Variants in RPUSD4 observed in about 807,000 individuals in gnomAD.
The protein encoded by RPUSD4 is RNA pseudouridine synthase D4, also known as pseudouridylate synthase RPUSD4, mitochondrial.
A neutral mutation model predicts 35.4 loss-of-function variants in RPUSD4; 37 were observed. That is an observed-to-expected ratio of 1.04 (90% CI 0.80 to 1.37). The LOEUF is 1.37. Ranked by LOEUF, RPUSD4 falls within the 40% of genes most tolerant of loss-of-function variation. The pLI, the probability that RPUSD4 is intolerant of heterozygous loss-of-function variation, is 0.00. For synonymous variants in RPUSD4, 210 were observed against 192.7 expected (o/e 1.09, Z -0.74); for missense variants, 507 against 484.9 (o/e 1.05, Z -0.43).
At chr11:126,211,423 A>G in intron 1 of RPUSD4, 27 bp downstream of exon 1, 1 of 1,592,384 alleles carries the variant, frequency 6.3e-7, no homozygotes, top group Admixed American at 1.8e-5. Flanking sequence ...CACTGCCTCT[A>G]GGGAGTTCTG....
In RPUSD4 at chr11:126,203,291, T is replaced by G; in HGVS notation, c.*127A>C. The stretch of plus-strand genomic sequence containing the variant: ...CCCACCTGGCTCTTACGCAGTCTGT[T>G]CCAAGTGAGAAGTTAGCAGAGTCCT... On this transcript the variant is annotated 3_prime_UTR_variant, in exon 7 of 7. Transcript: ENST00000298317. 7 of 1,410,970 alleles carry G rather than the reference T, an allele frequency of 5.0e-6. No individual in the cohort carries two copies. Among genetic ancestry groups the G allele is most frequent in the Non-Finnish European group, 5.8e-6 (6 of 1,038,600 alleles). The allele number at this position is 1,410,970 out of a possible 1,614,324, so 87.4% of individuals were successfully genotyped here. A position where few individuals can be genotyped will look rare whatever the true frequency, so the allele number is the denominator to read the frequency against.
intron 3 of RPUSD4, among the ~76,000 whole-genome samples, chr11:126,206,929 C>A (rs659551): frequency 0.73 from 110,621 of 152,112 alleles, 41,292 homozygotes; most frequent in East Asian, 1. Flanking sequence ...AAGAATGTTC[C>A]ATCAGCAAGA....
Position 126,202,994 on chromosome 11 carries a change from A to T in RPUSD4, c.*424T>A, listed in dbSNP as rs558170385. 1.1e-5 allele frequency: 2 copies of T among 189,422 alleles called. No individual in the cohort carries two copies. Among genetic ancestry groups the T allele is most frequent in the South Asian group, 2.2e-4 (2 of 9,126 alleles). 11.7% of individuals were successfully genotyped at this position (189,422 alleles called of 1,614,324 possible). The stretch of plus-strand genomic sequence containing the variant: ...CTGGATGCTGTGATATTTGTTAACC[A>T]TTATGTTCTTTCCAACCACGGGAAC... On this transcript the variant is annotated 3_prime_UTR_variant, in exon 7 of 7. Coordinates refer to ENST00000298317, the MANE Select transcript of RPUSD4 (RefSeq NM_032795.3).
In RPUSD4 at chr11:126,211,057, T is replaced by C. The variant is rs1306569045; in HGVS notation, c.190-2A>G. 6.2e-7 allele frequency: 1 copy of C among 1,610,714 alleles called. No homozygotes were observed. Among genetic ancestry groups the C allele is most frequent in the Non-Finnish European group, 8.5e-7 (1 of 1,179,696 alleles). On this transcript the variant is annotated splice_acceptor_variant, in intron 1 of 6. Coordinates refer to ENST00000298317, the MANE Select transcript of RPUSD4 (RefSeq NM_032795.3). LOFTEE classifies it high-confidence loss of function. ...CCGCTGAACAGCGTTTGTGGACACC[T>C]AGGGAGAAAGAAGGAGCCGTGGGGA...
intron 3 of RPUSD4, among the ~76,000 whole-genome samples, chr11:126,207,720 T>G (rs1012266824): frequency 2.0e-5 from 3 of 152,088 alleles, no homozygotes; most frequent in African/African-American, 2.4e-5. Flanking sequence ...CATGGTGGCA[T>G]GTGCCTGTAA....
In RPUSD4 at chr11:126,205,554, CT is replaced by C. The variant is rs1565316703; in HGVS notation, c.709del (p.Ser237AlafsTer8). 7 of 1,614,276 alleles carry C rather than the reference CT, an allele frequency of 4.3e-6. No homozygotes were observed. Among genetic ancestry groups the C allele is most frequent in the Non-Finnish European group, 5.9e-6 (7 of 1,180,056 alleles). ...DDGKMVKVRR[S>X]RNAQVAVTQY... is the part of the protein sequence containing the mutation. ...AGTTACAGCAACTTGCGCATTCCGG[CT>C]GCGCCGCACTTTCACCATTTTCCCA... On this transcript the variant is annotated frameshift_variant, in exon 5 of 7. Coordinates refer to ENST00000298317, the MANE Select transcript of RPUSD4 (RefSeq NM_032795.3). LOFTEE classifies it high-confidence loss of function.
At chr11:126,208,767 ACTGCGTACG>A (rs1485396582) in intron 3 of RPUSD4, 1 of 152,204 alleles carries the variant, frequency 6.6e-6, no homozygotes, top group East Asian at 1.9e-4. Context: ...ACACGCGTAT[ACTGCGTACG>A]CCGCACACGC....
In RPUSD4 at chr11:126,205,627, A is replaced by ATGATATG; in HGVS notation, c.652-16_652-15insCATATCA. Reference sequence around the variant, plus strand: ...GACAATGTCATCTGAAGCCAAAGAAATCAAGATATGATTCCCAAGGAAGAG... The same window carrying ATGATATG: ...GACAATGTCATCTGAAGCCAAAGAAATGATATGTCAAGATATGATTCCCAAGGAAGAG... On this transcript the variant is annotated splice_polypyrimidine_tract_variant and intron_variant, in intron 4 of 6. Transcript: ENST00000298317. The ATGATATG allele has an allele frequency of 1.9e-6, 3 of 1,614,068 alleles. No individual in the cohort carries two copies. The South Asian group carries it at 3.3e-5, about 18-fold the overall frequency.
chr11:126,211,592 T>C lies in RPUSD4; in HGVS notation c.47A>G (p.Asn16Ser). ...GAAGAGACTCCCGCAACCTTGGCCG[T>C]TTCCCCGGATCCAGGGGCCCGACGC... ...WSASGPWIRG[N>S]GQGCGSLFTL... Residue 16 changes from asparagine to serine, a missense_variant, in exon 1 of 7, where the codon AAC becomes AGC. By Grantham distance (46) the Asn-to-Ser change is conservative. Coordinates refer to ENST00000298317, the MANE Select transcript of RPUSD4 (RefSeq NM_032795.3). 1 of 1,614,098 alleles carries C rather than the reference T, an allele frequency of 6.2e-7. No homozygotes were observed. Among genetic ancestry groups the C allele is most frequent in the Non-Finnish European group, 8.5e-7 (1 of 1,180,014 alleles).
chr11:126,205,887 T>C lies in RPUSD4; in HGVS notation c.558-106A>G, dbSNP rs1198879960. The C allele has an allele frequency of 5.3e-6, 4 of 751,638 alleles. No individual in the cohort carries two copies. The African/African-American group carries it at 7.1e-5, about 13-fold the overall frequency. 46.6% of individuals were successfully genotyped at this position (751,638 alleles called of 1,614,324 possible). On this transcript the variant is annotated intron_variant, in intron 3 of 6. Transcript: ENST00000298317. ...CTGGACCTTCTGCACTAACATGTGA[T>C]TTCTTATGATTGAAGGATCGTGCAA...
intron 2 of RPUSD4, 136 bp downstream of exon 2, chr11:126,210,754 A>ACT: frequency 1.4e-6 from 1 of 700,672 alleles, no homozygotes; most frequent in East Asian, 3.0e-5. Context: ...GGTTCCTTAT[A>ACT]TTGGACGGTA....
chr11:126,204,399 C>T, intron 5 of RPUSD4, 71 bp from the exon 6 acceptor site: 1 of 1,138,804 alleles, frequency 8.8e-7, no homozygotes, highest in East Asian at 2.4e-5. Flanking sequence ...GTATTGGCAT[C>T]TGCTTCAAAT....
intron 5 of RPUSD4, among the ~76,000 whole-genome samples, chr11:126,205,010 T>C (rs972819149): frequency 1.3e-5 from 2 of 152,232 alleles, no homozygotes; most frequent in East Asian, 3.8e-4. Flanking sequence ...GCATCCATAT[T>C]GTAGCATGTG....
At chr11:126,205,930 G>T in intron 3 of RPUSD4, 149 bp from the exon 4 acceptor site, 2 of 566,348 alleles carry the variant, frequency 3.5e-6, no homozygotes, top group Non-Finnish European at 6.0e-6. Context: ...TTGGTGTAAT[G>T]CTTAGCCTGA....
At chr11:126,210,083 C>T (rs914370193) in intron 2 of RPUSD4, among the ~76,000 whole-genome samples, 9 of 152,292 alleles carry the variant, frequency 5.9e-5, no homozygotes, top group South Asian at 2.1e-4. Flanking sequence ...GGATAGACTT[C>T]GGGGTTAGAC....
At position 126,205,524 on chromosome 11, in the gene RPUSD4, T is replaced by C; in HGVS notation, c.740A>G (p.Tyr247Cys). 6.2e-7 allele frequency: 1 copy of C among 1,614,262 alleles called. No homozygotes were observed. The highest frequency in any genetic ancestry group is 1.1e-5 in the South Asian group (1 of 91,088). ...GGAGAGAGTGCTGCTGAGCACCTGG[T>C]ACTGAGTTACAGCAACTTGCGCATT... ...SRNAQVAVTQ[Y>C]QVLSSTLSSA... The change falls in exon 5 of 7, where the codon TAC (tyrosine) becomes TGC (cysteine). Residue 247 changes from tyrosine to cysteine, a missense_variant. Coordinates refer to ENST00000298317, the MANE Select transcript of RPUSD4 (RefSeq NM_032795.3).
At chr11:126,204,951 T>C (rs546584669) in intron 5 of RPUSD4, among the ~76,000 whole-genome samples, 38 of 152,352 alleles carry the variant, frequency 2.5e-4, no homozygotes, top group Middle Eastern at 6.8e-3. Context: ...CATATAATAT[T>C]TGCCCTTTTG....
At position 126,209,549 on chromosome 11, in the gene RPUSD4, T is replaced by C. The variant is rs898248342; in HGVS notation, c.529A>G (p.Arg177Gly). 2 of 1,614,256 alleles carry C rather than the reference T, an allele frequency of 1.2e-6. No homozygotes were observed. Among genetic ancestry groups the C allele is most frequent in the African/African-American group, 1.3e-5 (1 of 75,062 alleles). The stretch of plus-strand genomic sequence containing the variant: ...TACTTCTTCACCACCTGACGGGTTC[T>C]AAACAACTCTTGGACTTGATGTGCC... ...DMAHQVQELF[R>G]TRQVVKKYWA... is the part of the protein sequence containing the mutation. Residue 177 changes from arginine (R) to glycine (G), a missense_variant, in exon 3 of 7, where the codon AGA becomes GGA. By Grantham distance (125) the Arg-to-Gly change is moderately radical. Transcript: ENST00000298317.
intron 6 of RPUSD4, among the ~76,000 whole-genome samples, chr11:126,203,921 C>T (rs1949741288): frequency 6.6e-6 from 1 of 152,094 alleles, no homozygotes; most frequent in South Asian, 2.1e-4. Flanking sequence ...AAAAGGCTTT[C>T]CCTGCGGTTT....
Sources: gnomAD v4.1 joint callset for allele counts (sites outside exome capture counted in the v4.1 genomes callset) on GRCh38, gnomAD v4.1.1 for gene constraint, MANE v1.5 for transcripts, NCBI Gene and HGNC (gene_info 2026-07-23, HGNC 2026-07-21) for gene names.